Variants in NELL1 observed in about 807,000 individuals in gnomAD.
NELL1 encodes neural EGFL like 1, also known as protein kinase C-binding protein NELL1.
Under a neutral mutation model 107.4 loss-of-function variants are expected in NELL1, and 76 were observed. That is an observed-to-expected ratio of 0.71 (90% CI 0.59 to 0.86). The LOEUF is 0.86. Ranked by LOEUF, NELL1 falls within the 40% of genes least tolerant of loss-of-function variation. The probability of loss-of-function intolerance (pLI) is 0.00; values close to 1 mark genes in which losing one functional copy is unlikely to be tolerated. For missense variants in NELL1, 1,024 were observed against 1,005.5 expected, an observed-to-expected ratio of 1.02 and a Z score of -0.25; for synonymous variants, 353 against 341.2, an observed-to-expected ratio of 1.03 and a Z score of -0.38.
chr11:21,083,576 A>G (rs1437342115), intron 12 of NELL1, among the ~76,000 whole-genome samples: 1 of 152,196 alleles, frequency 6.6e-6, no homozygotes, highest in African/African-American at 2.4e-5. Flanking sequence ...CCATTCACAC[A>G]GATCTTGAAT....
intron 13 of NELL1, among the ~76,000 whole-genome samples, chr11:21,189,926 G>A (rs768619878): frequency 6.6e-6 from 1 of 151,802 alleles, no homozygotes; most frequent in Admixed American, 6.6e-5. Context: ...CCTAAGAATG[G>A]CTTTTCTGTG....
chr11:20,926,327 A>C (rs1464632831), intron 7 of NELL1, among the ~76,000 whole-genome samples: 1 of 152,138 alleles, frequency 6.6e-6, no homozygotes, highest in Non-Finnish European at 1.5e-5. Flanking sequence ...GAATCATATC[A>C]TGAGGAGCTG....
At chr11:21,188,335 C>T (rs1486901168) in intron 13 of NELL1, among the ~76,000 whole-genome samples, 1 of 151,746 alleles carries the variant, frequency 6.6e-6, no homozygotes, top group East Asian at 1.9e-4. Context: ...AGACAGATGG[C>T]CATCATCTCC....
intron 2 of NELL1, among the ~76,000 whole-genome samples, chr11:20,683,217 C>G (rs1854230392): frequency 6.6e-6 from 1 of 152,018 alleles, no homozygotes; most frequent in Admixed American, 6.6e-5. Context: ...AAACTCCTGA[C>G]TACATTGTTA....
At chr11:21,176,898 C>A (rs545120851) in intron 13 of NELL1, among the ~76,000 whole-genome samples, 1 of 151,670 alleles carries the variant, frequency 6.6e-6, no homozygotes, top group Non-Finnish European at 1.5e-5. Flanking sequence ...GATGTTAATG[C>A]ACTCCTGATT....
chr11:21,341,035 G>A (rs1466995273), intron 14 of NELL1, among the ~76,000 whole-genome samples: 1 of 152,048 alleles, frequency 6.6e-6, no homozygotes, highest in African/African-American at 2.4e-5. Context: ...ATTCAAAATT[G>A]TCCTCAGCTC....
chr11:21,278,614 T>C (rs1848923105), intron 14 of NELL1, among the ~76,000 whole-genome samples: 1 of 152,114 alleles, frequency 6.6e-6, no homozygotes, highest in African/African-American at 2.4e-5. Flanking sequence ...AGGAAAACTA[T>C]AAAACTCAGT....
intron 2 of NELL1, among the ~76,000 whole-genome samples, chr11:20,733,443 G>C (rs1233846724): frequency 1.3e-5 from 2 of 152,178 alleles, no homozygotes; most frequent in African/African-American, 4.8e-5. Context: ...TGCCTAAAGA[G>C]AACCTAGATT....
chr11:20,715,429 G>A (rs1002914172), intron 2 of NELL1, among the ~76,000 whole-genome samples: 1 of 152,054 alleles, frequency 6.6e-6, no homozygotes. Context: ...AGACCCAGGA[G>A]GTTCCGGTAA....
At chr11:21,490,237 GA>G (rs1170997183) in intron 15 of NELL1, among the ~76,000 whole-genome samples, 1 of 151,698 alleles carries the variant, frequency 6.6e-6, no homozygotes, top group Non-Finnish European at 1.5e-5. Flanking sequence ...TACCAATGAG[GA>G]AAAGATATCT....
At chr11:20,680,114 C>A (rs76062984) in intron 2 of NELL1, among the ~76,000 whole-genome samples, 1 of 151,996 alleles carries the variant, frequency 6.6e-6, no homozygotes, top group Non-Finnish European at 1.5e-5. Context: ...TGATTATATT[C>A]GGCTCACCTA....
chr11:21,115,136 C>T lies in NELL1; in HGVS notation c.1426+1422C>T, dbSNP rs528446202. 2.8e-3 allele frequency among the ~76,000 whole-genome samples: 419 copies of T among 152,024 alleles called. 1 individual carries two copies. The highest frequency in any genetic ancestry group is 6.8e-3 in the Middle Eastern group (2 of 294). On this transcript the variant is annotated intron_variant, in intron 13 of 19. Transcript: ENST00000357134. The stretch of plus-strand genomic sequence containing the variant: ...TTGTCGAATGCCTTAATAGGATAGG[C>T]GCTCTGTCTGGTGGTTTATATATGG...
chr11:20,917,165 G>A (rs1000386987), intron 5 of NELL1, among the ~76,000 whole-genome samples: 3 of 151,992 alleles, frequency 2.0e-5, no homozygotes, highest in Non-Finnish European at 4.4e-5. Flanking sequence ...ATATTGAGGA[G>A]CAGTGGCAGA....
rs1311897701 is a variant in NELL1 at position 21,478,964 on chromosome 11, T to TA, written c.1646-55408dup. On this transcript the variant is annotated intron_variant, in intron 15 of 19. Transcript: ENST00000357134. ...AGGTGCTCAATATTGATCATCAGAA[T>TA]AATGCAAATCAAAACTATAACGATA... 8.5e-5 allele frequency among the ~76,000 whole-genome samples: 13 copies of TA among 152,128 alleles called. 1 individual carries two copies. Among genetic ancestry groups the TA allele is most frequent in the African/African-American group, 2.6e-4 (11 of 41,520 alleles).
intron 13 of NELL1, among the ~76,000 whole-genome samples, chr11:21,196,883 C>CTTTTTT (rs200792090): frequency 2.9e-5 from 4 of 136,274 alleles, no homozygotes; most frequent in Non-Finnish European, 6.4e-5. Context: ...CTTTTCTTTT[C>CTTTTTT]TTTTTTTTTT....
chr11:21,371,644 C>T (rs983632026), intron 15 of NELL1, among the ~76,000 whole-genome samples: 4 of 151,966 alleles, frequency 2.6e-5, no homozygotes, highest in African/African-American at 4.8e-5. Context: ...GTTTATGACA[C>T]GTAAAAGTGA....
At chr11:21,213,519 A>G (rs1857548851) in intron 13 of NELL1, among the ~76,000 whole-genome samples, 3 of 152,040 alleles carry the variant, frequency 2.0e-5, no homozygotes, top group African/African-American at 7.3e-5. Context: ...ATTGAATTGA[A>G]TCAATTGAAT....
At chr11:21,378,029 C>A (rs1424094158) in intron 15 of NELL1, among the ~76,000 whole-genome samples, 1 of 151,930 alleles carries the variant, frequency 6.6e-6, no homozygotes, top group African/African-American at 2.4e-5. Flanking sequence ...AGCAGTACAC[C>A]TCCAGCTGTG....
At chr11:21,491,379 G>C (rs1373668924) in intron 15 of NELL1, among the ~76,000 whole-genome samples, 2 of 152,118 alleles carry the variant, frequency 1.3e-5, no homozygotes, top group African/African-American at 4.8e-5. Flanking sequence ...TTTGTATAAG[G>C]TATAAGGAAG....
Sources: gnomAD v4.1 joint callset for allele counts (sites outside exome capture counted in the v4.1 genomes callset) on GRCh38, gnomAD v4.1.1 for gene constraint, MANE v1.5 for transcripts, NCBI Gene and HGNC (gene_info 2026-07-23, HGNC 2026-07-21) for gene names.